Variants in NF1 observed in about 807,000 individuals in gnomAD.
NF1 encodes neurofibromin.
In NF1, 122 loss-of-function variants were observed where a neutral mutation model predicts 325.7. The observed-to-expected ratio is 0.37, with a 90% CI of 0.32 to 0.44. The LOEUF is 0.44. Ranked by LOEUF, NF1 falls within the 20% of genes least tolerant of loss-of-function variation. The pLI is 1.00. For missense variants in NF1, 2,140 were observed against 3,415.4 expected, an observed-to-expected ratio of 0.63 and a Z score of 9.31; for synonymous variants, 1,091 against 1,186.0, an observed-to-expected ratio of 0.92 and a Z score of 1.65.
intron 36 of NF1, chr17:31,318,213 G>A: frequency 6.7e-7 from 1 of 1,484,150 alleles, no homozygotes; most frequent in Non-Finnish European, 9.0e-7. Context: ...TCAAATTTTA[G>A]ATAATCAGAA....
chr17:31,261,541 T>C (rs1467484901), intron 34 of NF1, among the ~76,000 whole-genome samples, 170 bp from the exon 35 acceptor site: 1 of 152,210 alleles, frequency 6.6e-6, no homozygotes, highest in East Asian at 1.9e-4. Context: ...GGCATTTTAA[T>C]CTTTTATGAA....
intron 47 of NF1, among the ~76,000 whole-genome samples, chr17:31,341,752 A>G (rs1225239165): frequency 1.3e-5 from 2 of 151,862 alleles, no homozygotes; most frequent in South Asian, 4.2e-4. Flanking sequence ...TGGGCAAATT[A>G]CTTCTTAGTT....
chr17:31,100,881 T>G (rs1025486726), intron 1 of NF1, among the ~76,000 whole-genome samples: 2 of 152,196 alleles, frequency 1.3e-5, no homozygotes, highest in Admixed American at 6.5e-5. Flanking sequence ...AATTCATCCT[T>G]TAGAAAGATT....
intron 1 of NF1, among the ~76,000 whole-genome samples, chr17:31,154,217 G>A (rs1488026557): frequency 2.6e-5 from 4 of 151,534 alleles, no homozygotes; most frequent in South Asian, 2.1e-4. Context: ...CACCACGCTC[G>A]GCTAACTTTT....
intron 1 of NF1, among the ~76,000 whole-genome samples, chr17:31,128,062 C>T (rs1915035252): frequency 6.6e-6 from 1 of 151,792 alleles, no homozygotes; most frequent in Admixed American, 6.6e-5. Flanking sequence ...CCACCTCAGC[C>T]TCCCGAGTAG....
At position 31,258,413 on chromosome 17, in the gene NF1, A is replaced by G. The variant is rs1555618518; in HGVS notation, c.4243A>G (p.Asn1415Asp). The G allele has an allele frequency of 6.2e-7, 1 of 1,614,000 alleles. No individual in the cohort carries two copies. Among genetic ancestry groups the G allele is most frequent in the Non-Finnish European group, 8.5e-7 (1 of 1,179,916 alleles). ...AAGTGCCATGTTCCTCAGATTTATCAATCCTGCCATTGTCTCACCGTATGA... is the reference window on the plus strand; with the variant it reads ...AAGTGCCATGTTCCTCAGATTTATCGATCCTGCCATTGTCTCACCGTATGA... Reference protein sequence around the residue: ...VGSAMFLRFINPAIVSPYEAG... With the variant: ...VGSAMFLRFIDPAIVSPYEAG... The change falls in exon 32 of 58, where the codon AAT becomes GAT. Residue 1415 changes from asparagine to aspartate, a missense_variant. Transcript: ENST00000358273.
Position 31,313,705 on chromosome 17 carries a change from C to CAA in NF1, c.4836-12101_4836-12100dup, listed in dbSNP as rs371438778. ...TGGGAGACAGAGCAAGACTCTATCTCAAAAAAAAAAAAAAATATGTGTGTG... is the reference window on the plus strand; with the variant it reads ...TGGGAGACAGAGCAAGACTCTATCTCAAAAAAAAAAAAAAAAATATGTGTGTG... On this transcript the variant is annotated intron_variant, in intron 36 of 57. Coordinates refer to ENST00000358273, the MANE Select transcript of NF1 (RefSeq NM_001042492.3). Among the ~76,000 whole-genome samples, 243 of 112,648 alleles carry CAA rather than the reference C, an allele frequency of 2.2e-3. 2 individuals carry two copies. Among genetic ancestry groups the CAA allele is most frequent in the Non-Finnish European group, 3.2e-3 (167 of 52,840 alleles). 73.9% of individuals were successfully genotyped at this position (112,648 alleles called of 152,430 possible). A position where few individuals can be genotyped will look rare whatever the true frequency, so the allele number is the denominator to read the frequency against.
intron 36 of NF1, among the ~76,000 whole-genome samples, chr17:31,279,590 A>T (rs1023511091): frequency 6.6e-5 from 9 of 136,494 alleles, no homozygotes; most frequent in African/African-American, 1.9e-4. Flanking sequence ...CAGCCTCTTT[A>T]AAAAAAAAAA....
At chr17:31,190,951 A>G (rs1367896391) in intron 8 of NF1, among the ~76,000 whole-genome samples, 1 of 152,192 alleles carries the variant, frequency 6.6e-6, no homozygotes, top group Non-Finnish European at 1.5e-5. Context: ...GATGTGATGG[A>G]TATGTTATTA....
intron 36 of NF1, chr17:31,304,739 A>C: frequency 1.9e-6 from 3 of 1,614,160 alleles, no homozygotes; most frequent in Non-Finnish European, 2.5e-6. Flanking sequence ...GATTCAAACA[A>C]CTTAATTTCT....
chr17:31,117,672 CAAAAAAAAAAAAAA>C (rs780828438), intron 1 of NF1, among the ~76,000 whole-genome samples: 12 of 19,800 alleles, frequency 6.1e-4, no homozygotes, highest in Middle Eastern at 0.12. Flanking sequence ...AACTCCATCT[CAAAAAAAAAAAAAA>C]AAAAAAAAAA....
intron 5 of NF1, among the ~76,000 whole-genome samples, chr17:31,178,251 T>A (rs1039964264): frequency 6.6e-6 from 1 of 152,172 alleles, no homozygotes; most frequent in Non-Finnish European, 1.5e-5. Flanking sequence ...TCACAGAATT[T>A]CATATCCAGG....
At chr17:31,172,327 C>G (rs2065940499) in intron 5 of NF1, among the ~76,000 whole-genome samples, 1 of 141,194 alleles carries the variant, frequency 7.1e-6, no homozygotes, top group Non-Finnish European at 1.6e-5. Flanking sequence ...GAGATCCTGT[C>G]TCTGTCTGTC....
In NF1 at chr17:31,232,069, T is replaced by TTTTC. The variant is rs864622717; in HGVS notation, c.3198-4_3198-3insTTTC. ...TTTTTTTTTTTTTTTTTTTTTTTTT[T>TTTTC]CAGAGATTTGGACCAGGCAAGCATG... is the stretch of plus-strand genomic sequence containing the variant. On this transcript the variant is annotated splice_polypyrimidine_tract_variant and splice_region_variant and intron_variant, in intron 24 of 57. Coordinates refer to ENST00000358273, the MANE Select transcript of NF1 (RefSeq NM_001042492.3). 2.3e-6 allele frequency: 3 copies of TTTTC among 1,307,242 alleles called. No homozygotes were observed. Among genetic ancestry groups the TTTTC allele is most frequent in the African/African-American group, 1.6e-5 (1 of 62,560 alleles). 81.0% of individuals were successfully genotyped at this position (1,307,242 alleles called of 1,614,324 possible). A position where few individuals can be genotyped will look rare whatever the true frequency, so the allele number is the denominator to read the frequency against.
chr17:31,197,363 T>C (rs1379823973), intron 8 of NF1, among the ~76,000 whole-genome samples: 9 of 118,930 alleles, frequency 7.6e-5, no homozygotes, highest in Non-Finnish European at 1.1e-4. Context: ...TTTTTTTTTT[T>C]GCAAAAAATA....
chr17:31,357,621 A>G (rs530615423), intron 54 of NF1: 2 of 532,204 alleles, frequency 3.8e-6, no homozygotes, highest in Non-Finnish European at 6.8e-6. Context: ...ATCATTGCTC[A>G]TTTTCCTCAC....
intron 36 of NF1, chr17:31,305,567 G>A (rs774353882): frequency 3.1e-6 from 5 of 1,613,664 alleles, no homozygotes; most frequent in African/African-American, 1.3e-5. Context: ...GTATTGTTCA[G>A]GTGTCCACAA....
At chr17:31,188,285 TTCC>T (rs1460269289) in intron 8 of NF1, among the ~76,000 whole-genome samples, 1 of 152,222 alleles carries the variant, frequency 6.6e-6, no homozygotes, top group Non-Finnish European at 1.5e-5. Context: ...TCATGAGTAT[TTCC>T]TCCTCCTTTT....
At chr17:31,192,242 A>G (rs962543701) in intron 8 of NF1, among the ~76,000 whole-genome samples, 1 of 152,252 alleles carries the variant, frequency 6.6e-6, no homozygotes, top group Non-Finnish European at 1.5e-5. Context: ...ACGAGTGACC[A>G]TGGCCCGTGA....
Sources: allele counts gnomAD v4.1 joint callset (sites outside exome capture counted in the v4.1 genomes callset), GRCh38; gene constraint gnomAD v4.1.1; transcripts MANE v1.5; gene names NCBI Gene and HGNC (gene_info 2026-07-23, HGNC 2026-07-21).